The following RNF149 variants were observed in gnomAD, a reference collection of about 807,000 sequenced individuals.
RNF149 encodes E3 ubiquitin-protein ligase RNF149.
A neutral mutation model predicts 39.0 loss-of-function variants in RNF149; 21 were observed. The ratio of observed to expected loss-of-function variants is 0.54; its 90% confidence interval spans 0.38 to 0.77. The LOEUF is 0.77. RNF149 is among the 30% of genes least tolerant of loss of function. The pLI is 0.00. For synonymous variants in RNF149, 209 were observed against 213.6 expected, an observed-to-expected ratio of 0.98 and a Z score of 0.19; for missense variants, 493 against 534.9, an observed-to-expected ratio of 0.92 and a Z score of 0.77.
At chr2:101,273,428 A>G, downstream of RNF149, 1 of 445,576 alleles carries the variant, frequency 2.2e-6, no homozygotes, top group South Asian at 1.6e-5. Flanking sequence ...AATTCTCTGC[A>G]TCTTATCAAC....
At chr2:101,291,676 T>C (rs1309711964) in intron 3 of RNF149, among the ~76,000 whole-genome samples, 4 of 152,194 alleles carry the variant, frequency 2.6e-5, no homozygotes, top group South Asian at 2.1e-4. Context: ...TGAAAGTAAA[T>C]AGTATCATTT....
In RNF149 at chr2:101,295,084, C is replaced by T. The variant is rs772352593; in HGVS notation, c.558G>A (p.Gly186=). 1.1e-5 allele frequency: 18 copies of T among 1,614,166 alleles called. No individual in the cohort carries two copies. Among genetic ancestry groups the T allele is most frequent in the South Asian group, 7.7e-5 (7 of 91,082 alleles). ...QKGIPVTMTI[G]VGTRHVQEFI... ...ACTCCTGTACATGCCGGGTGCCAACCCCTATGGTCATCGTTACTGGAATTC... is the reference window on the plus strand; with the variant it reads ...ACTCCTGTACATGCCGGGTGCCAACTCCTATGGTCATCGTTACTGGAATTC... The change falls in exon 2 of 7, where the codon GGG becomes GGA. Residue 186 remains glycine, a synonymous_variant. Coordinates refer to ENST00000295317, the MANE Select transcript of RNF149 (RefSeq NM_173647.4).
chr2:101,275,864 A>C lies in RNF149; in HGVS notation c.*1374T>G, dbSNP rs529421289. On this transcript the variant is annotated 3_prime_UTR_variant, in exon 7 of 7. Coordinates refer to ENST00000295317, the MANE Select transcript of RNF149 (RefSeq NM_173647.4). The stretch of plus-strand genomic sequence containing the variant: ...AAGGTAATGGCTGTTATGGAAACCT[A>C]CTTGAGGTTGTCTGCTAAAACCAAC... The C allele has an allele frequency of 7.1e-6, 7 of 984,880 alleles. No individual in the cohort carries two copies. In the South Asian group the frequency reaches 1.4e-4, roughly 20 times the overall value. The allele number at this position is 984,880 out of a possible 1,614,324, so 61.0% of individuals were successfully genotyped here.
chr2:101,272,077 C>A (rs189271430), downstream of RNF149, among the ~76,000 whole-genome samples: 336 of 152,288 alleles, frequency 2.2e-3, 2 homozygotes, highest in African/African-American at 7.8e-3. Flanking sequence ...GTTAAAATTT[C>A]AGCACCCTCT....
downstream of RNF149, chr2:101,271,717 A>G (rs1682136131): frequency 1.3e-5 from 2 of 152,148 alleles, no homozygotes; most frequent in African/African-American, 4.8e-5. Context: ...TCTAGTTCCA[A>G]TTTCTAGCTT....
chr2:101,306,913 TCTGA>T (rs1160733119), intron 1 of RNF149, among the ~76,000 whole-genome samples: 12 of 152,214 alleles, frequency 7.9e-5, no homozygotes, highest in African/African-American at 2.7e-4. Context: ...AAAAAGAATG[TCTGA>T]CTTAGTAGCA....
intron 4 of RNF149, among the ~76,000 whole-genome samples, chr2:101,287,703 T>C (rs1205261311): frequency 6.6e-6 from 1 of 152,228 alleles, no homozygotes; most frequent in South Asian, 2.1e-4. Context: ...ACCAATCACA[T>C]GTAAATGTTT....
At chr2:101,290,869 A>G (rs1394575152) in intron 3 of RNF149, among the ~76,000 whole-genome samples, 2 of 152,264 alleles carry the variant, frequency 1.3e-5, no homozygotes, top group East Asian at 3.9e-4. Flanking sequence ...TTCTCTGGCT[A>G]ACCCCTGGAT....
At chr2:101,281,523 T>C (rs1682585179) in intron 6 of RNF149, 2 of 183,352 alleles carry the variant, frequency 1.1e-5, no homozygotes, top group Non-Finnish European at 2.2e-5. Flanking sequence ...AGAGACAGGG[T>C]CTTGCTCTGT....
chr2:101,304,397 AAAAAC>A (rs930310729), intron 1 of RNF149, among the ~76,000 whole-genome samples: 1 of 152,164 alleles, frequency 6.6e-6, no homozygotes, highest in African/African-American at 2.4e-5. Flanking sequence ...ACCTTGCCTC[AAAAAC>A]AAAACAAAAC....
At chr2:101,273,194 C>T (rs183575674), downstream of RNF149, 3,182 of 1,160,440 alleles carry the variant, frequency 2.7e-3, 6 homozygotes, top group Non-Finnish European at 3.3e-3. Context: ...CCCAGAACGC[C>T]AGTCCAGACA....
chr2:101,294,267 TA>T (rs1683135208), intron 2 of RNF149, 185 bp from the exon 3 acceptor site: 1 of 466,916 alleles, frequency 2.1e-6, no homozygotes, highest in Non-Finnish European at 3.8e-6. Context: ...ACCAACTTCA[TA>T]AAAAAGCCCC....
At chr2:101,302,025 C>T (rs1573261767) in intron 1 of RNF149, among the ~76,000 whole-genome samples, 1 of 152,348 alleles carries the variant, frequency 6.6e-6, no homozygotes, top group South Asian at 2.1e-4. Flanking sequence ...AACTGCAACA[C>T]TCTACTTTTT....
At chr2:101,304,936 G>A (rs1397897604) in intron 1 of RNF149, among the ~76,000 whole-genome samples, 1 of 149,760 alleles carries the variant, frequency 6.7e-6, no homozygotes, top group Non-Finnish European at 1.5e-5. Flanking sequence ...TGCCTCCCAG[G>A]TTCAAGCGAT....
At chr2:101,286,263 C>G in intron 4 of RNF149, 86 bp from the exon 5 acceptor site, 1 of 730,990 alleles carries the variant, frequency 1.4e-6, no homozygotes. Flanking sequence ...CCAACTCATC[C>G]TCTCATTACA....
At chr2:101,277,373 T>C in intron 6 of RNF149, 92 bp from the exon 7 acceptor site, 1 of 1,478,526 alleles carries the variant, frequency 6.8e-7, no homozygotes, top group East Asian at 2.4e-5. Flanking sequence ...TTGGAGATAA[T>C]TCAAGATGGT....
Position 101,276,567 on chromosome 2 carries a change from A to G in RNF149, c.*671T>C. 1 of 985,666 alleles carries G rather than the reference A, an allele frequency of 1.0e-6. No homozygotes were observed. The highest frequency in any genetic ancestry group is 1.2e-6 in the Non-Finnish European group (1 of 829,852). The allele number at this position is 985,666 out of a possible 1,614,324, so 61.1% of individuals were successfully genotyped here. ...TATAGAATCTTAGCTTTTTATTTGTAGGAAAAAATAAACAGATTTCCCTCC... is the reference window on the plus strand; with the variant it reads ...TATAGAATCTTAGCTTTTTATTTGTGGGAAAAAATAAACAGATTTCCCTCC... On this transcript the variant is annotated 3_prime_UTR_variant, in exon 7 of 7. Coordinates refer to ENST00000295317, the MANE Select transcript of RNF149 (RefSeq NM_173647.4).
At chr2:101,300,141 A>ATC (rs1418523629) in intron 1 of RNF149, among the ~76,000 whole-genome samples, 1 of 152,182 alleles carries the variant, frequency 6.6e-6, no homozygotes, top group Admixed American at 6.5e-5. Context: ...GTGGAGGGAA[A>ATC]TCTCCCCAGG....
chr2:101,288,427 G>A (rs1041759375), intron 4 of RNF149, among the ~76,000 whole-genome samples: 2 of 151,598 alleles, frequency 1.3e-5, no homozygotes, highest in African/African-American at 2.4e-5. Flanking sequence ...CAGTAGAGAC[G>A]GGGTTTCACC....
Sources: gnomAD v4.1 joint callset for allele counts (sites outside exome capture counted in the v4.1 genomes callset) on GRCh38, gnomAD v4.1.1 for gene constraint, MANE v1.5 for transcripts, NCBI Gene and HGNC (gene_info 2026-07-23, HGNC 2026-07-21) for gene names.